The following DNMT1 variants were observed in gnomAD, a reference collection of about 807,000 sequenced individuals.
DNMT1 encodes DNA (cytosine-5)-methyltransferase 1.
Under a neutral mutation model 205.3 loss-of-function variants are expected in DNMT1, and 24 were observed. The observed-to-expected ratio is 0.12, with a 90% CI of 0.08 to 0.16. The LOEUF is 0.16. DNMT1 is among the 10% of genes least tolerant of loss of function. The pLI is 1.00. For missense variants in DNMT1, 1,293 were observed against 2,177.7 expected (o/e 0.59, Z 8.09); for synonymous variants, 817 against 839.8 (o/e 0.97, Z 0.47).
At chr19:10,176,932 T>C (rs573936570) in intron 6 of DNMT1, among the ~76,000 whole-genome samples, 3 of 152,246 alleles carry the variant, frequency 2.0e-5, no homozygotes, top group East Asian at 3.9e-4. Context: ...AAAAGAGATC[T>C]CATTGTCTAG....
chr19:10,143,410 G>A (rs978345500), intron 29 of DNMT1, among the ~76,000 whole-genome samples: 2 of 148,356 alleles, frequency 1.3e-5, no homozygotes, highest in African/African-American at 5.0e-5. Flanking sequence ...TTTTGGTAGG[G>A]CCGGGGTCTC....
At position 10,138,551 on chromosome 19, in the gene DNMT1, C is replaced by A; in HGVS notation, c.4003G>T (p.Ala1335Ser). The change falls in exon 35 of 41, where the codon GCC (alanine) becomes TCC (serine). Residue 1335 changes from alanine to serine, a missense_variant. Coordinates refer to ENST00000359526, the MANE Select transcript of DNMT1 (RefSeq NM_001130823.3). The surrounding 1 kb of genome is among the most constrained non-coding windows in gnomAD (Gnocchi z 4.1). ...TRRRAIILAAAPGEKLPLFPE... is the reference protein window; with the variant it reads ...TRRRAIILAASPGEKLPLFPE... The stretch of plus-strand genomic sequence containing the variant: ...AACAGAGGGAGCTTCTCTCCAGGGG[C>A]CGCGGCCAGGATGATGGCCCGCCTC... The A allele has an allele frequency of 6.2e-7, 1 of 1,611,126 alleles. No homozygotes were observed. Among genetic ancestry groups the A allele is most frequent in the East Asian group, 2.2e-5 (1 of 44,884 alleles).
intron 7 of DNMT1, among the ~76,000 whole-genome samples, chr19:10,174,505 A>G (rs112316070): frequency 0.019 from 2,843 of 152,108 alleles, 79 homozygotes; most frequent in African/African-American, 0.061. Context: ...CAGGAGTTCA[A>G]GACCAGCCTG....
intron 6 of DNMT1, among the ~76,000 whole-genome samples, chr19:10,176,011 T>C (rs898565252): frequency 6.6e-6 from 1 of 152,006 alleles, no homozygotes; most frequent in Non-Finnish European, 1.5e-5. Context: ...CTACCAAAAA[T>C]ACAAACATTA....
At chr19:10,155,391 G>A (rs2038435680) in intron 19 of DNMT1, among the ~76,000 whole-genome samples, 3 of 151,926 alleles carry the variant, frequency 2.0e-5, no homozygotes, top group Admixed American at 2.0e-4. Flanking sequence ...AGGCTGGAGG[G>A]CAGTGGCGTG....
intron 29 of DNMT1, among the ~76,000 whole-genome samples, chr19:10,142,668 C>T (rs1056687960): frequency 2.0e-5 from 3 of 150,784 alleles, no homozygotes; most frequent in South Asian, 2.1e-4. Flanking sequence ...GTTATGGAAC[C>T]GCAGGGTAAA....
chr19:10,182,417 GTA>G (rs1162988530), intron 1 of DNMT1, among the ~76,000 whole-genome samples: 14 of 52,948 alleles, frequency 2.6e-4, no homozygotes, highest in Middle Eastern at 0.013. Flanking sequence ...ATATATATGT[GTA>G]TATATATGTG....
At chr19:10,181,947 C>A in intron 2 of DNMT1, 94 bp downstream of exon 2, 1 of 1,174,406 alleles carries the variant, frequency 8.5e-7, no homozygotes, top group Non-Finnish European at 1.2e-6. Context: ...GGAAAAAATG[C>A]AAAATCCATT....
At chr19:10,190,510 C>T (rs544368524) in intron 1 of DNMT1, among the ~76,000 whole-genome samples, 15 of 152,230 alleles carry the variant, frequency 9.9e-5, no homozygotes, top group Non-Finnish European at 2.2e-4. Context: ...TGCCTGTAAT[C>T]CCAACACTTT....
chr19:10,162,593 G>C lies in DNMT1; in HGVS notation c.1008+74C>G, dbSNP rs1224276206. The C allele has an allele frequency of 2.7e-6, 4 of 1,492,922 alleles. No individual in the cohort carries two copies. The African/African-American group carries it at 5.7e-5, about 21-fold the overall frequency. The allele number at this position is 1,492,922 out of a possible 1,614,324, so 92.5% of individuals were successfully genotyped here. On this transcript the variant is annotated intron_variant, in intron 13 of 40. Transcript: ENST00000359526. The stretch of plus-strand genomic sequence containing the variant: ...TCTTCTTTTTCCTAAGACCAGCCTG[G>C]GCAACATGGCGAAACCCCGTCTTGG...
rs2038423806 is a variant in DNMT1, at chr19:10,154,814, G to A, written c.1645-41C>T. On this transcript the variant is annotated intron_variant, in intron 20 of 40. Coordinates refer to ENST00000359526, the MANE Select transcript of DNMT1 (RefSeq NM_001130823.3). The surrounding 1 kb of genome is among the most constrained non-coding windows in gnomAD (Gnocchi z 6.3). ...GTTTCTCTCATGCTTAAGCCAAACT[G>A]GCCTAAATCCAACTGAAGAACAGTG... The A allele has an allele frequency of 1.9e-6, 3 of 1,614,082 alleles. No individual in the cohort carries two copies. The highest frequency in any genetic ancestry group is 3.3e-5 in the Admixed American group (2 of 59,996).
intron 1 of DNMT1, among the ~76,000 whole-genome samples, chr19:10,189,515 G>A (rs888655006): frequency 6.6e-6 from 1 of 151,742 alleles, no homozygotes; most frequent in Non-Finnish European, 1.5e-5. Flanking sequence ...GACCTCATGG[G>A]TTCAAGTGAT....
At position 10,162,622 on chromosome 19, in the gene DNMT1, A is replaced by G. The variant is rs778612730; in HGVS notation, c.1008+45T>C. 1.6e-3 allele frequency: 588 copies of G among 361,716 alleles called. 2 individuals carry two copies. The highest frequency in any genetic ancestry group is 9.8e-3 in the Middle Eastern group (13 of 1,332). 22.4% of individuals were successfully genotyped at this position (361,716 alleles called of 1,614,324 possible). A position where few individuals can be genotyped will look rare whatever the true frequency, so the allele number is the denominator to read the frequency against. On this transcript the variant is annotated intron_variant, in intron 13 of 40. Transcript: ENST00000359526. ...ACATGGCGAAACCCCGTCTTGGGGA[A>G]AAAAAAAAAAAAAAAAAAGAAAGAA... is the stretch of plus-strand genomic sequence containing the variant.
intron 22 of DNMT1, among the ~76,000 whole-genome samples, chr19:10,153,066 C>T (rs985992971): frequency 4.6e-5 from 7 of 152,108 alleles, no homozygotes; most frequent in Admixed American, 3.3e-4. Context: ...AGAACGCACA[C>T]TGCTCAAATG....
Position 10,133,406 on chromosome 19 carries a change from T to C in DNMT1, c.*261A>G. On this transcript the variant is annotated 3_prime_UTR_variant, in exon 41 of 41. Transcript: ENST00000359526. The surrounding 1 kb of genome is among the most constrained non-coding windows in gnomAD (Gnocchi z 4.1). ...CAACATATAAAAACTACATAAAGTC[T>C]TAATTTCCACTCATACAGTGGTAGA... 3.6e-6 allele frequency: 2 copies of C among 553,048 alleles called. No homozygotes were observed. The highest frequency in any genetic ancestry group is 6.4e-6 in the Non-Finnish European group (2 of 310,418). The allele number at this position is 553,048 out of a possible 1,614,324, so 34.3% of individuals were successfully genotyped here.
At position 10,146,518 on chromosome 19, in the gene DNMT1, A is replaced by G; in HGVS notation, c.2727T>C (p.Cys909=). The G allele has an allele frequency of 1.2e-6, 2 of 1,614,084 alleles. No individual in the cohort carries two copies. The highest frequency in any genetic ancestry group is 1.7e-6 in the Non-Finnish European group (2 of 1,180,042). ...QPTEDNKFKF[C]VSCARLAEMR... is the part of the protein sequence containing the mutation. ...TCTCAGCCAGACGGGCACAGCTCACACAGAATCTGAAGGAAACAAAGGGAC... is the reference window on the plus strand; with the variant it reads ...TCTCAGCCAGACGGGCACAGCTCACGCAGAATCTGAAGGAAACAAAGGGAC... Residue 909 remains cysteine (C), a synonymous_variant, in exon 28 of 41, where the codon TGT becomes TGC. Coordinates refer to ENST00000359526, the MANE Select transcript of DNMT1 (RefSeq NM_001130823.3). This position sits in a 1 kb window ranked among gnomAD's most constrained non-coding sequence, Gnocchi z 4.4.
chr19:10,151,613 T>C lies in DNMT1; in HGVS notation c.2118-68A>G, dbSNP rs2038343924. The C allele has an allele frequency of 5.6e-6, 9 of 1,611,168 alleles. No homozygotes were observed. In the Admixed American group the frequency reaches 1.2e-4, roughly 21 times the overall value. On this transcript the variant is annotated intron_variant, in intron 23 of 40. Coordinates refer to ENST00000359526, the MANE Select transcript of DNMT1 (RefSeq NM_001130823.3). This position sits in a 1 kb window ranked among gnomAD's most constrained non-coding sequence, Gnocchi z 5.0. ...AGACCAACCGGGGCTGTTTTCTTCA[T>C]AACAGGGACAGGTCCTGAGACAATG... is the stretch of plus-strand genomic sequence containing the variant.
chr19:10,163,190 C>T, intron 12 of DNMT1, 136 bp downstream of exon 12: 1 of 964,046 alleles, frequency 1.0e-6, no homozygotes, highest in South Asian at 1.3e-5. Context: ...TGGTCTCGAA[C>T]TCCTGACCTC....
At chr19:10,157,760 G>A (rs1436187392) in intron 17 of DNMT1, among the ~76,000 whole-genome samples, 1 of 152,214 alleles carries the variant, frequency 6.6e-6, no homozygotes, top group African/African-American at 2.4e-5. Context: ...AGGATGTAAG[G>A]CCCAGAAGAA....
Sources: allele counts gnomAD v4.1 joint callset (sites outside exome capture counted in the v4.1 genomes callset), GRCh38; gene constraint gnomAD v4.1.1; non-coding constraint Gnocchi (gnomAD v3.1); transcripts MANE v1.5; gene names NCBI Gene and HGNC (gene_info 2026-07-23, HGNC 2026-07-21).